Variants in TBC1D5 observed in about 807,000 individuals in gnomAD.
The protein encoded by TBC1D5 is TBC1 domain family, member 5.
A neutral mutation model predicts 100.3 loss-of-function variants in TBC1D5; 75 were observed. The observed-to-expected ratio is 0.75, with a 90% CI of 0.62 to 0.91. The LOEUF (loss-of-function observed/expected upper bound fraction) is 0.91. TBC1D5 is among the 40% of genes least tolerant of loss of function. The probability of loss-of-function intolerance (pLI) is 0.00; values close to 1 mark genes in which losing one functional copy is unlikely to be tolerated. For missense variants in TBC1D5, 910 were observed against 942.4 expected (o/e 0.97, Z 0.45); for synonymous variants, 323 against 325.6 (o/e 0.99, Z 0.09).
At chr3:17,597,852 T>C (rs2153581838) in intron 2 of TBC1D5, among the ~76,000 whole-genome samples, 1 of 152,332 alleles carries the variant, frequency 6.6e-6, no homozygotes, top group East Asian at 1.9e-4. Flanking sequence ...ACGAGAATTT[T>C]TTTGAAATTC....
intron 2 of TBC1D5, among the ~76,000 whole-genome samples, chr3:17,509,020 G>C (rs73153074): frequency 0.069 from 10,500 of 152,070 alleles, 712 homozygotes; most frequent in African/African-American, 0.18. Context: ...AGAAATATTA[G>C]TGTTAACATT....
chr3:17,660,438 AG>A (rs2066528432), intron 1 of TBC1D5, among the ~76,000 whole-genome samples: 1 of 152,192 alleles, frequency 6.6e-6, no homozygotes, highest in Non-Finnish European at 1.5e-5. Context: ...CCTTCCTGCA[AG>A]TAAGTGCTTC....
intron 3 of TBC1D5, among the ~76,000 whole-genome samples, chr3:17,442,961 A>C (rs2094699807): frequency 6.6e-6 from 1 of 152,064 alleles, no homozygotes; most frequent in Non-Finnish European, 1.5e-5. Context: ...AGGGGAGGAA[A>C]GGGAAGAGAG....
intron 3 of TBC1D5, among the ~76,000 whole-genome samples, chr3:17,468,362 TA>T (rs758891333): frequency 3.5e-4 from 54 of 152,312 alleles, no homozygotes; most frequent in Non-Finnish European, 5.9e-4. Context: ...TTCACTCCTT[TA>T]TCTCCCTTAA....
intron 13 of TBC1D5, among the ~76,000 whole-genome samples, chr3:17,348,458 G>T (rs1323162280): frequency 2.0e-5 from 3 of 152,140 alleles, no homozygotes; most frequent in Non-Finnish European, 2.9e-5. Flanking sequence ...GTGACGCAGT[G>T]TTGCTGGTCC....
intron 1 of TBC1D5, among the ~76,000 whole-genome samples, chr3:17,634,645 A>AT (rs2063758916): frequency 6.6e-6 from 1 of 151,262 alleles, no homozygotes; most frequent in Non-Finnish European, 1.5e-5. Flanking sequence ...AAAAAAAAAA[A>AT]GTGAATAAGA....
intron 1 of TBC1D5, among the ~76,000 whole-genome samples, chr3:17,653,689 A>G (rs1294991708): frequency 6.6e-6 from 1 of 152,200 alleles, no homozygotes; most frequent in East Asian, 1.9e-4. Flanking sequence ...TTTCATTAAT[A>G]GTACTATACT....
chr3:17,546,831 G>A (rs896843358), intron 2 of TBC1D5, among the ~76,000 whole-genome samples: 1 of 151,804 alleles, frequency 6.6e-6, no homozygotes, highest in Non-Finnish European at 1.5e-5. Context: ...CAACGAGTCT[G>A]CTGATATTCC....
chr3:17,409,178 C>T (rs2093854438), intron 4 of TBC1D5, among the ~76,000 whole-genome samples: 1 of 152,166 alleles, frequency 6.6e-6, no homozygotes, highest in Non-Finnish European at 1.5e-5. Flanking sequence ...TCAGCATGTG[C>T]TCACTTCATG....
intron 3 of TBC1D5, among the ~76,000 whole-genome samples, chr3:17,448,906 A>G (rs761157752): frequency 6.6e-6 from 1 of 152,252 alleles, no homozygotes; most frequent in Non-Finnish European, 1.5e-5. Flanking sequence ...CTCTCAAGCC[A>G]GGTACTGACT....
chr3:17,415,315 G>A (rs772248599), intron 4 of TBC1D5, among the ~76,000 whole-genome samples: 20 of 151,714 alleles, frequency 1.3e-4, no homozygotes, highest in Non-Finnish European at 2.8e-4. Flanking sequence ...CCACCACCAC[G>A]CCCGGCGAAA....
intron 3 of TBC1D5, among the ~76,000 whole-genome samples, chr3:17,444,797 T>A (rs552971852): frequency 1.3e-5 from 2 of 152,272 alleles, no homozygotes; most frequent in Admixed American, 6.5e-5. Flanking sequence ...ATGCATTATA[T>A]ATATTCTATA....
intron 2 of TBC1D5, among the ~76,000 whole-genome samples, chr3:17,551,131 T>G (rs1443083248): frequency 6.6e-6 from 1 of 152,118 alleles, no homozygotes; most frequent in Non-Finnish European, 1.5e-5. Context: ...CAGCAAAAGA[T>G]TTCCTCCCAT....
At chr3:17,494,901 AT>A (rs2095686422) in intron 3 of TBC1D5, among the ~76,000 whole-genome samples, 1 of 152,236 alleles carries the variant, frequency 6.6e-6, no homozygotes, top group Non-Finnish European at 1.5e-5. Context: ...CTCTGGTGGC[AT>A]GGGCTCATGA....
intron 1 of TBC1D5, among the ~76,000 whole-genome samples, chr3:17,698,501 A>C (rs1019858837): frequency 1.3e-5 from 2 of 152,114 alleles, no homozygotes; most frequent in East Asian, 1.9e-4. Context: ...TTCATGTCTA[A>C]AACACCAAAA....
intron 15 of TBC1D5, among the ~76,000 whole-genome samples, chr3:17,290,090 A>T (rs283912): frequency 0.42 from 64,248 of 151,918 alleles, 14,301 homozygotes; most frequent in Middle Eastern, 0.5. Context: ...TGCCCAATTT[A>T]TTATGTCCCA....
intron 1 of TBC1D5, among the ~76,000 whole-genome samples, chr3:17,669,787 G>A (rs2067715216): frequency 6.6e-6 from 1 of 152,216 alleles, no homozygotes; most frequent in Non-Finnish European, 1.5e-5. Flanking sequence ...GGAGAAGCAA[G>A]TCAGTGAGTA....
At chr3:17,484,107 C>T (rs1009026392) in intron 3 of TBC1D5, among the ~76,000 whole-genome samples, 1 of 152,252 alleles carries the variant, frequency 6.6e-6, no homozygotes, top group South Asian at 2.1e-4. Flanking sequence ...CCAAGGATCT[C>T]CTTTTCACTC....
intron 3 of TBC1D5, among the ~76,000 whole-genome samples, chr3:17,494,393 C>T (rs907279337): frequency 2.0e-5 from 3 of 152,188 alleles, no homozygotes; most frequent in African/African-American, 4.8e-5. Context: ...TCAGGAGGCA[C>T]GGAATCAGGA....
Sources: allele counts gnomAD v4.1 joint callset (sites outside exome capture counted in the v4.1 genomes callset), GRCh38; gene constraint gnomAD v4.1.1; transcripts MANE v1.5; gene names NCBI Gene and HGNC (gene_info 2026-07-23, HGNC 2026-07-21).